ANKRD45: variants seen among roughly 807,000 people sequenced by gnomAD.
ANKRD45 encodes the protein ankyrin repeat domain-containing protein 45.
In ANKRD45, 21 loss-of-function variants were observed where a neutral mutation model predicts 28.1. The observed-to-expected ratio is 0.75, with a 90% CI of 0.53 to 1.08. The LOEUF (loss-of-function observed/expected upper bound fraction) is 1.08, where lower values mean the gene tolerates loss of function less well. Ranked by LOEUF, ANKRD45 falls within the 50% of genes least tolerant of loss-of-function variation. The pLI is 0.00. For synonymous variants in ANKRD45, 86 were observed against 103.9 expected (o/e 0.83, Z 1.05); for missense variants, 261 against 308.7 (o/e 0.85, Z 1.16).
At chr1:173,617,317 C>G (rs1038339351) in intron 5 of ANKRD45, among the ~76,000 whole-genome samples, 12 of 152,188 alleles carry the variant, frequency 7.9e-5, no homozygotes, top group Admixed American at 1.3e-4. Context: ...TAAGACCCAC[C>G]ACCTTGGAAT....
the ANKRD45 span, among the ~76,000 whole-genome samples, chr1:173,706,725 T>A: frequency 6.6e-6 from 1 of 152,188 alleles, no homozygotes; most frequent in Non-Finnish European, 1.5e-5. Flanking sequence ...AAGAGTCTTT[T>A]AGATTCTTTC....
upstream of ANKRD45, among the ~76,000 whole-genome samples, chr1:173,671,645 C>T (rs1410230334): frequency 2.0e-5 from 3 of 150,750 alleles, no homozygotes; most frequent in Non-Finnish European, 4.4e-5. Context: ...CCAAGGCGGG[C>T]GGATCATGAA....
At chr1:173,635,734 A>G in intron 3 of ANKRD45, 1 of 1,535,492 alleles carries the variant, frequency 6.5e-7, no homozygotes, top group African/African-American at 1.4e-5. Context: ...ACATGGATAT[A>G]TTTCAGGGTT....
intron 3 of ANKRD45, among the ~76,000 whole-genome samples, chr1:173,640,317 A>G (rs1668645003): frequency 6.6e-6 from 1 of 151,870 alleles, no homozygotes; most frequent in African/African-American, 2.4e-5. Flanking sequence ...CAACCCAGGG[A>G]CCACCTTCTC....
intron 2 of ANKRD45, 110 bp from the exon 3 acceptor site, chr1:173,647,123 C>A: frequency 9.5e-7 from 1 of 1,053,050 alleles, no homozygotes; most frequent in Non-Finnish European, 1.4e-6. Flanking sequence ...TACTGTGGGC[C>A]AGGCACTATT....
rs551979418 is a variant in ANKRD45, at chr1:173,643,613, TG to T, written c.496+3232del. On this transcript the variant is annotated intron_variant, in intron 3 of 5. Transcript: ENST00000333279. ...AGTATAATAAATGATTATAGATTAA[TG>T]TTTTTTTAATTTCAGACTTTTGTTG... Among the ~76,000 whole-genome samples the T allele has an allele frequency of 9.2e-5, 14 of 152,336 alleles. No homozygotes were observed. The South Asian group carries it at 1.7e-3, about 18-fold the overall frequency.
the ANKRD45 span, among the ~76,000 whole-genome samples, chr1:173,705,892 T>C: frequency 1.6e-3 from 250 of 152,220 alleles, no homozygotes; most frequent in African/African-American, 5.9e-3. Flanking sequence ...TATAAATACA[T>C]ATACACTTAT....
At chr1:173,699,361 T>A in the ANKRD45 span, among the ~76,000 whole-genome samples, 2 of 151,830 alleles carry the variant, frequency 1.3e-5, no homozygotes, top group Admixed American at 6.6e-5. Context: ...CTGGCAGAGA[T>A]ACAACAAAAA....
At chr1:173,711,276 AC>A in the ANKRD45 span, among the ~76,000 whole-genome samples, 1 of 152,224 alleles carries the variant, frequency 6.6e-6, no homozygotes. Context: ...TGCACCTGTG[AC>A]ACAGCCTCAG....
chr1:173,670,104 G>A (rs1670205681), upstream of ANKRD45, among the ~76,000 whole-genome samples: 1 of 152,316 alleles, frequency 6.6e-6, no homozygotes, highest in South Asian at 2.1e-4. Context: ...TTAAACGAAA[G>A]AATTTTCTGG....
chr1:173,638,809 C>CA (rs1006630569), intron 3 of ANKRD45, among the ~76,000 whole-genome samples: 23 of 152,140 alleles, frequency 1.5e-4, no homozygotes, highest in Admixed American at 1.5e-3. Flanking sequence ...ACTGATAATT[C>CA]ACTCAACCCA....
At position 173,609,929 on chromosome 1, in the gene ANKRD45, G is replaced by A; in HGVS notation, c.*216C>T. ...TATACCCAAGTGCTTTCCTGAAGGA[G>A]CACGTGAAACTCACATGGGGCTGTG... On this transcript the variant is annotated 3_prime_UTR_variant, in exon 6 of 6. Transcript: ENST00000333279. 1 of 538,012 alleles carries A rather than the reference G, an allele frequency of 1.9e-6. No individual in the cohort carries two copies. Among genetic ancestry groups the A allele is most frequent in the South Asian group, 2.8e-5 (1 of 36,202 alleles). The allele number at this position is 538,012 out of a possible 1,614,324, so 33.3% of individuals were successfully genotyped here. A position where few individuals can be genotyped will look rare whatever the true frequency, so the allele number is the denominator to read the frequency against.
intron 2 of ANKRD45, among the ~76,000 whole-genome samples, chr1:173,653,922 CTTTTT>C (rs1185149394): frequency 1.0e-5 from 1 of 100,326 alleles, no homozygotes; most frequent in Admixed American, 1.0e-4. Flanking sequence ...GCAACCCTTG[CTTTTT>C]TTTTTTTTTT....
chr1:173,650,941 T>C (rs1250454553), intron 2 of ANKRD45, among the ~76,000 whole-genome samples: 1 of 152,128 alleles, frequency 6.6e-6, no homozygotes, highest in Non-Finnish European at 1.5e-5. Context: ...TTTGATGGGG[T>C]TGTTTTTTTC....
chr1:173,696,972 A>G, the ANKRD45 span, among the ~76,000 whole-genome samples: 1 of 152,198 alleles, frequency 6.6e-6, no homozygotes, highest in East Asian at 1.9e-4. Context: ...AAGATCTTAA[A>G]TGACCTGATA....
upstream of ANKRD45, among the ~76,000 whole-genome samples, chr1:173,673,964 TC>T (rs1670336941): frequency 6.6e-6 from 1 of 152,140 alleles, no homozygotes; most frequent in South Asian, 2.1e-4. Context: ...CACCTGCTGG[TC>T]CCTCCTTTTC....
chr1:173,660,659 G>A (rs1027887167), intron 1 of ANKRD45, among the ~76,000 whole-genome samples: 3 of 152,160 alleles, frequency 2.0e-5, no homozygotes, highest in South Asian at 4.1e-4. Flanking sequence ...CTTCTCATGC[G>A]CTGTGATGGA....
chr1:173,675,089 T>C, the ANKRD45 span, among the ~76,000 whole-genome samples: 1 of 152,112 alleles, frequency 6.6e-6, no homozygotes, highest in Non-Finnish European at 1.5e-5. Flanking sequence ...AAAATCAATA[T>C]AGGCCATATT....
At chr1:173,617,983 G>A (rs764201492) in intron 5 of ANKRD45, among the ~76,000 whole-genome samples, 1 of 152,168 alleles carries the variant, frequency 6.6e-6, no homozygotes, top group Non-Finnish European at 1.5e-5. Flanking sequence ...TCCAGGTAGA[G>A]GAAAAGCCAA....
Sources: allele counts gnomAD v4.1 joint callset (sites outside exome capture counted in the v4.1 genomes callset), GRCh38; gene constraint gnomAD v4.1.1; transcripts MANE v1.5; gene names NCBI Gene and HGNC (gene_info 2026-07-23, HGNC 2026-07-21).